The following C4orf33 variants were observed in gnomAD, a reference collection of about 807,000 sequenced individuals.
The protein encoded by C4orf33 is chromosome 4 open reading frame 33.
A neutral mutation model predicts 24.3 loss-of-function variants in C4orf33; 20 were observed. The observed-to-expected ratio is 0.82, with a 90% CI of 0.58 to 1.19. The LOEUF is 1.19. C4orf33 is among the 50% of genes most tolerant of loss of function. The pLI, the probability that C4orf33 is intolerant of heterozygous loss-of-function variation, is 0.00. For synonymous variants in C4orf33, 67 were observed against 76.4 expected, an observed-to-expected ratio of 0.88 and a Z score of 0.64; for missense variants, 207 against 225.9, an observed-to-expected ratio of 0.92 and a Z score of 0.54.
At chr4:129,100,872 A>G (rs1483574776) in intron 1 of C4orf33, 1 of 152,188 alleles carries the variant, frequency 6.6e-6, no homozygotes, top group Admixed American at 6.5e-5. Flanking sequence ...TATATGCTGC[A>G]TGAGGATACT....
rs1465123549 is a variant in C4orf33 at position 129,113,372 on chromosome 4, A to G, written c.*1581A>G. 3 of 152,212 alleles carry G rather than the reference A, an allele frequency of 2.0e-5. No individual in the cohort carries two copies. Among genetic ancestry groups the G allele is most frequent in the Non-Finnish European group, 2.9e-5 (2 of 68,028 alleles). The allele number at this position is 152,212 out of a possible 1,614,324, so 9.4% of individuals were successfully genotyped here. A position where few individuals can be genotyped will look rare whatever the true frequency, so the allele number is the denominator to read the frequency against. On this transcript the variant is annotated 3_prime_UTR_variant, in exon 6 of 6. Transcript: ENST00000425929. The stretch of plus-strand genomic sequence containing the variant: ...ATTTTCTTTTGAAAGGAACATGCAT[A>G]TCAACTACAGAATTTCGGAAAGCTT...
In C4orf33 at chr4:129,106,597, A is replaced by G. The variant is rs755910234; in HGVS notation, c.192A>G (p.Ala64=). Residue 64 remains alanine (A), a synonymous_variant, in exon 3 of 6, where the codon GCA becomes GCG. Transcript: ENST00000425929. ...CTCTGTTTTCAAAAGTTGTGGAAGCATTTTTCTTGAATGATATAACTGAGC... is the reference window on the plus strand; with the variant it reads ...CTCTGTTTTCAAAAGTTGTGGAAGCGTTTTTCTTGAATGATATAACTGAGC... ...NELWDYEVVE[A]FFLNDITEQY... is the part of the protein sequence containing the mutation. 1 of 1,535,908 alleles carries G rather than the reference A, an allele frequency of 6.5e-7. No individual in the cohort carries two copies. Among genetic ancestry groups the G allele is most frequent in the South Asian group, 1.2e-5 (1 of 83,476 alleles).
chr4:129,109,363 G>A lies in C4orf33; in HGVS notation c.294+5G>A. The A allele has an allele frequency of 1.2e-6, 2 of 1,613,618 alleles. No individual in the cohort carries two copies. The highest frequency in any genetic ancestry group is 1.7e-6 in the Non-Finnish European group (2 of 1,179,526). On this transcript the variant is annotated splice_donor_5th_base_variant and intron_variant, in intron 4 of 5. Transcript: ENST00000425929. ...GGAAGAAGAAATGTGTGGAAAGTAA[G>A]TAAATAAAAATAGGAGGCAAAATCA...
chr4:129,110,412 A>G (rs187828230), intron 5 of C4orf33, among the ~76,000 whole-genome samples: 2 of 152,314 alleles, frequency 1.3e-5, no homozygotes, highest in East Asian at 3.9e-4. Flanking sequence ...GGCAGACTAG[A>G]GCTCCTGGCC....
At chr4:129,106,716 G>C in intron 3 of C4orf33, 69 bp downstream of exon 3, 3 of 814,490 alleles carry the variant, frequency 3.7e-6, no homozygotes, top group South Asian at 1.7e-5. Flanking sequence ...AGTTATAAAT[G>C]ATATAGTAAA....
chr4:129,103,412 G>A (rs1450106715), intron 2 of C4orf33, among the ~76,000 whole-genome samples: 1 of 152,056 alleles, frequency 6.6e-6, no homozygotes, highest in Non-Finnish European at 1.5e-5. Context: ...TTGTATTTAA[G>A]TATCTTTAAA....
intron 5 of C4orf33, among the ~76,000 whole-genome samples, chr4:129,110,249 A>G (rs1753649029): frequency 6.6e-6 from 1 of 152,266 alleles, no homozygotes; most frequent in South Asian, 2.1e-4. Context: ...TTCCCCTGTA[A>G]CAGTCATGTT....
chr4:129,103,775 A>G (rs530004267), intron 2 of C4orf33, among the ~76,000 whole-genome samples: 71 of 152,270 alleles, frequency 4.7e-4, no homozygotes, highest in African/African-American at 1.6e-3. Flanking sequence ...TAACCTATGT[A>G]CCTTCTCATT....
At chr4:129,111,539 T>G (rs1370924543) in intron 5 of C4orf33, 147 bp from the exon 6 acceptor site, 1 of 504,762 alleles carries the variant, frequency 2.0e-6, no homozygotes, top group Non-Finnish European at 3.6e-6. Context: ...GTGAGAAAAC[T>G]GTACATATAA....
At chr4:129,098,653 A>G (rs1753268663) in intron 1 of C4orf33, among the ~76,000 whole-genome samples, 1 of 152,244 alleles carries the variant, frequency 6.6e-6, no homozygotes, top group Non-Finnish European at 1.5e-5. Context: ...GCAACAAACT[A>G]CAGGAAAATG....
intron 1 of C4orf33, 115 bp from the exon 2 acceptor site, chr4:129,102,487 G>A: frequency 5.7e-6 from 4 of 705,972 alleles, no homozygotes; most frequent in Non-Finnish European, 9.2e-6. Flanking sequence ...CTGTGCTCTT[G>A]CCACTCTGCT....
intron 1 of C4orf33, among the ~76,000 whole-genome samples, chr4:129,098,538 G>T (rs1358426919): frequency 6.6e-6 from 1 of 152,196 alleles, no homozygotes; most frequent in Non-Finnish European, 1.5e-5. Context: ...TATTTTAAAA[G>T]GTTTTCTCTA....
intron 3 of C4orf33, among the ~76,000 whole-genome samples, chr4:129,108,416 G>C (rs1430388622): frequency 6.6e-6 from 1 of 152,058 alleles, no homozygotes; most frequent in Non-Finnish European, 1.5e-5. Context: ...TTGAAAACAT[G>C]ATGCTGAATG....
chr4:129,111,121 G>A (rs1041826743), intron 5 of C4orf33, among the ~76,000 whole-genome samples: 13 of 152,158 alleles, frequency 8.5e-5, no homozygotes, highest in Admixed American at 8.5e-4. Context: ...TACAGAGTGG[G>A]GCTCCACTGC....
At chr4:129,104,585 TTAAA>T (rs1487495903) in intron 2 of C4orf33, among the ~76,000 whole-genome samples, 1 of 152,216 alleles carries the variant, frequency 6.6e-6, no homozygotes, top group African/African-American at 2.4e-5. Flanking sequence ...TCATAGTTCT[TTAAA>T]TAAGCTACAA....
At position 129,112,819 on chromosome 4, in the gene C4orf33, A is replaced by G. The variant is rs529888661; in HGVS notation, c.*1028A>G. On this transcript the variant is annotated 3_prime_UTR_variant, in exon 6 of 6. Transcript: ENST00000425929. ...TGTAAGATAAATGCTAACTTTTACA[A>G]AAGGTATTATTAAGTATCCTGACTA... The G allele has an allele frequency of 6.6e-6, 1 of 152,170 alleles. No homozygotes were observed. The highest frequency in any genetic ancestry group is 1.5e-5 in the Non-Finnish European group (1 of 68,000). 9.4% of individuals were successfully genotyped at this position (152,170 alleles called of 1,614,324 possible).
In C4orf33 at chr4:129,111,862, T is replaced by C; in HGVS notation, c.*71T>C. 1 of 792,152 alleles carries C rather than the reference T, an allele frequency of 1.3e-6. No individual in the cohort carries two copies. The highest frequency in any genetic ancestry group is 2.0e-6 in the Non-Finnish European group (1 of 492,258). 49.1% of individuals were successfully genotyped at this position (792,152 alleles called of 1,614,324 possible). A position where few individuals can be genotyped will look rare whatever the true frequency, so the allele number is the denominator to read the frequency against. On this transcript the variant is annotated 3_prime_UTR_variant, in exon 6 of 6. Transcript: ENST00000425929. Reference sequence around the variant, plus strand: ...AAGATAAACAAAAAATAAATATCAATTTTTTAAGATGTCATGCATACATTT... The same window carrying C: ...AAGATAAACAAAAAATAAATATCAACTTTTTAAGATGTCATGCATACATTT...
chr4:129,098,432 C>T (rs1753262134), intron 1 of C4orf33, among the ~76,000 whole-genome samples: 1 of 152,058 alleles, frequency 6.6e-6, no homozygotes, highest in Admixed American at 6.5e-5. Flanking sequence ...ATTTGGTTTT[C>T]TGTACTTTCA....
At chr4:129,096,593 T>C (rs753888366) in intron 1 of C4orf33, among the ~76,000 whole-genome samples, 13 of 152,222 alleles carry the variant, frequency 8.5e-5, no homozygotes, top group Non-Finnish European at 1.8e-4. Flanking sequence ...GTGTTCGGTC[T>C]CCTTTCTCTT....
Sources: gnomAD v4.1 joint callset for allele counts (sites outside exome capture counted in the v4.1 genomes callset) on GRCh38, gnomAD v4.1.1 for gene constraint, MANE v1.5 for transcripts, NCBI Gene and HGNC (gene_info 2026-07-23, HGNC 2026-07-21) for gene names.